Variants in GPHN observed in about 807,000 individuals in gnomAD.
The protein encoded by GPHN is gephyrin.
GPHN carries 17 observed loss-of-function variants against 95.5 expected under a neutral mutation model. The ratio of observed to expected loss-of-function variants is 0.18; its 90% CI spans 0.12 to 0.27. The LOEUF (loss-of-function observed/expected upper bound fraction) is 0.27, where lower values mean the gene tolerates loss of function less well. Ranked by LOEUF, GPHN falls within the 10% of genes least tolerant of loss-of-function variation. The pLI is 1.00. For synonymous variants in GPHN, 320 were observed against 322.5 expected, an observed-to-expected ratio of 0.99 and a Z score of 0.08; for missense variants, 660 against 978.1, an observed-to-expected ratio of 0.67 and a Z score of 4.34.
chr14:67,034,009 C>T (rs1355180609), intron 10 of GPHN, among the ~76,000 whole-genome samples: 3 of 152,054 alleles, frequency 2.0e-5, no homozygotes, highest in Admixed American at 2.0e-4. Context: ...AAGACTTTCC[C>T]GGGCAAACAA....
At chr14:66,697,727 ACTCAGGCTGGAGTGCAG>A (rs2068206777) in intron 2 of GPHN, among the ~76,000 whole-genome samples, 1 of 134,860 alleles carries the variant, frequency 7.4e-6, no homozygotes, top group Non-Finnish European at 1.5e-5. Flanking sequence ...TACCTCTTTC[ACTCAGGCTGGAGTGCAG>A]TGGTGCAATC....
chr14:67,225,043 G>A, the GPHN span: 1 of 1,364,178 alleles, frequency 7.3e-7, no homozygotes, highest in Non-Finnish European at 9.8e-7. Context: ...CCTGCTTTTG[G>A]CTTTTTTTCT....
chr14:66,766,338 A>G (rs1260172031), intron 2 of GPHN, among the ~76,000 whole-genome samples: 1 of 152,226 alleles, frequency 6.6e-6, no homozygotes, highest in Non-Finnish European at 1.5e-5. Flanking sequence ...CTGCCAAGGC[A>G]GAAGGGCCTT....
intron 2 of GPHN, among the ~76,000 whole-genome samples, chr14:66,687,592 C>T (rs1363574161): frequency 2.7e-5 from 4 of 149,418 alleles, no homozygotes; most frequent in Admixed American, 6.8e-5. Flanking sequence ...TGGGTTCAAG[C>T]GGTTCTCCTG....
chr14:66,847,645 T>C (rs1042640803), intron 4 of GPHN, among the ~76,000 whole-genome samples: 3 of 152,128 alleles, frequency 2.0e-5, no homozygotes, highest in East Asian at 1.9e-4. Context: ...CTTTTAGTTT[T>C]TTATTTTCTC....
intron 8 of GPHN, among the ~76,000 whole-genome samples, chr14:66,954,931 T>C (rs185610796): frequency 2.0e-5 from 3 of 152,350 alleles, no homozygotes; most frequent in Admixed American, 2.0e-4. Flanking sequence ...TCTTATCTTA[T>C]GGTGAGCCAC....
chr14:67,590,812 T>A, the GPHN span, among the ~76,000 whole-genome samples: 2 of 152,188 alleles, frequency 1.3e-5, no homozygotes, highest in Non-Finnish European at 2.9e-5. Flanking sequence ...AGGTGGGAGA[T>A]CAAATGATAG....
chr14:67,203,284 T>C, the GPHN span: 2 of 1,585,732 alleles, frequency 1.3e-6, no homozygotes, highest in South Asian at 2.3e-5. Flanking sequence ...GAGAAACTAG[T>C]GCTCACCAGG....
chr14:67,687,554 C>G, the GPHN span, among the ~76,000 whole-genome samples: 1 of 149,586 alleles, frequency 6.7e-6, no homozygotes, highest in African/African-American at 2.5e-5. Flanking sequence ...TCACCACAAC[C>G]TCTGCCTCCC....
At chr14:67,656,491 C>T in the GPHN span, 2 of 1,613,970 alleles carry the variant, frequency 1.2e-6, no homozygotes, top group Admixed American at 1.7e-5. Context: ...TCTGGTCAGT[C>T]TCTGTGGCAA....
chr14:67,326,221 ATTTTTTTTTTTTTTTTTTTTTTT>A, the GPHN span, among the ~76,000 whole-genome samples: 5 of 12,894 alleles, frequency 3.9e-4, no homozygotes, highest in Non-Finnish European at 6.1e-4. Context: ...TTTAGGTCTG[ATTTTTTTTTTTTTTTTTTTTTTT>A]TTTTTTTTTT....
the GPHN span, among the ~76,000 whole-genome samples, chr14:67,712,738 C>T: frequency 6.6e-6 from 1 of 152,052 alleles, no homozygotes; most frequent in Non-Finnish European, 1.5e-5. Flanking sequence ...AGGAACCAAA[C>T]CTAGGCTGTT....
chr14:67,392,483 A>G, the GPHN span: 37 of 1,391,960 alleles, frequency 2.7e-5, no homozygotes, highest in Non-Finnish European at 3.7e-5. Context: ...GGCCCAGGCT[A>G]TGGCGGCTGT....
At chr14:67,328,768 G>C in the GPHN span, among the ~76,000 whole-genome samples, 4 of 152,142 alleles carry the variant, frequency 2.6e-5, no homozygotes, top group Admixed American at 6.6e-5. Context: ...TGTCAGGTTT[G>C]TCAAAGATCA....
intron 2 of GPHN, among the ~76,000 whole-genome samples, chr14:66,757,247 A>G (rs536990497): frequency 4.7e-4 from 71 of 152,350 alleles, no homozygotes; most frequent in African/African-American, 1.6e-3. Flanking sequence ...ACATAAAATC[A>G]TCTTTTTCAA....
chr14:67,362,018 CTTTTTTCTTTTTTCTTTTTTTTTTT>C, the GPHN span, among the ~76,000 whole-genome samples: 4 of 113,732 alleles, frequency 3.5e-5, no homozygotes, highest in African/African-American at 1.9e-4. Context: ...TTTTTTTTTT[CTTTTTTCTTTTTTCTTTTTTTTTTT>C]GAGACAGAGT....
the GPHN span, among the ~76,000 whole-genome samples, chr14:67,485,647 G>A: frequency 6.6e-6 from 1 of 152,176 alleles, no homozygotes; most frequent in Admixed American, 6.5e-5. Context: ...TACGGGCCCT[G>A]CACAGACATA....
At chr14:67,569,952 G>T in the GPHN span, 1 of 1,610,264 alleles carries the variant, frequency 6.2e-7, no homozygotes, top group African/African-American at 1.3e-5. Context: ...TTTCCCCTGG[G>T]TCTTTCTCTG....
the GPHN span, among the ~76,000 whole-genome samples, chr14:67,485,431 T>A: frequency 6.6e-6 from 1 of 151,990 alleles, no homozygotes; most frequent in Non-Finnish European, 1.5e-5. Flanking sequence ...ACTAGGAGAG[T>A]CAAGATCTAC....
Sources: gnomAD v4.1 joint callset for allele counts (sites outside exome capture counted in the v4.1 genomes callset) on GRCh38, gnomAD v4.1.1 for gene constraint, MANE v1.5 for transcripts, NCBI Gene and HGNC (gene_info 2026-07-23, HGNC 2026-07-21) for gene names.